The following TSNARE1 variants were observed in gnomAD, a reference collection of about 807,000 sequenced individuals.
TSNARE1 encodes t-SNARE domain-containing protein 1.
In TSNARE1, 49 loss-of-function variants were observed where a neutral mutation model predicts 62.0. That is an observed-to-expected ratio of 0.79 (90% CI 0.63 to 1.00). The LOEUF (loss-of-function observed/expected upper bound fraction) is 1.00. TSNARE1 is among the 50% of genes least tolerant of loss of function. The probability of loss-of-function intolerance (pLI) is 0.00; values close to 1 mark genes in which losing one functional copy is unlikely to be tolerated. For missense variants in TSNARE1, 755 were observed against 700.1 expected (o/e 1.08, Z -0.88); for synonymous variants, 328 against 294.4 (o/e 1.11, Z -1.17).
At chr8:142,273,304 C>T in intron 12 of TSNARE1, 1 of 985,444 alleles carries the variant, frequency 1.0e-6, no homozygotes, top group Non-Finnish European at 1.2e-6. Context: ...TGCTGGCTGG[C>T]TTTCCTCTTG....
At chr8:142,314,292 G>A (rs1828156182) in intron 9 of TSNARE1, 92 bp downstream of exon 9, 1 of 1,239,508 alleles carries the variant, frequency 8.1e-7, no homozygotes. Context: ...CCCTGCCCTT[G>A]GCCCTCCCCG....
At chr8:142,388,544 C>A (rs368503764) in intron 1 of TSNARE1, among the ~76,000 whole-genome samples, 74 of 117,274 alleles carry the variant, frequency 6.3e-4, no homozygotes, top group South Asian at 9.0e-4. Context: ...TAGCAAAAAA[C>A]AAAATCTTTT....
intron 10 of TSNARE1, among the ~76,000 whole-genome samples, chr8:142,295,357 G>C (rs1021370426): frequency 3.3e-5 from 5 of 152,240 alleles, no homozygotes; most frequent in Non-Finnish European, 7.3e-5. Flanking sequence ...CCCCCACTGG[G>C]AAGTGGGCAT....
rs189505807 is a variant in TSNARE1 at position 142,374,046 on chromosome 8, G to A, written c.-39-19283C>T. Reference sequence around the variant, plus strand: ...AGGCCAGGCGACATGGCTCATGCCTGTAATCTCAGCACTTTGAGAGGCTGA... The same window carrying A: ...AGGCCAGGCGACATGGCTCATGCCTATAATCTCAGCACTTTGAGAGGCTGA... On this transcript the variant is annotated intron_variant, in intron 1 of 13. Coordinates refer to ENST00000524325, the MANE Select transcript of TSNARE1 (RefSeq NM_145003.5). Among the ~76,000 whole-genome samples the A allele has an allele frequency of 2.0e-4, 31 of 152,368 alleles. No homozygotes were observed. In the South Asian group the frequency reaches 2.9e-3, roughly 14 times the overall value.
At chr8:142,358,584 A>G (rs1022745362) in intron 1 of TSNARE1, among the ~76,000 whole-genome samples, 3 of 152,126 alleles carry the variant, frequency 2.0e-5, no homozygotes, top group Non-Finnish European at 4.4e-5. Flanking sequence ...CTGCATATGG[A>G]AACATGAAAC....
chr8:142,269,306 A>G (rs146721289), intron 12 of TSNARE1, among the ~76,000 whole-genome samples: 10 of 152,322 alleles, frequency 6.6e-5, no homozygotes, highest in African/African-American at 2.4e-4. Context: ...GACATAGTGC[A>G]GGAGCAGGAT....
In TSNARE1 at chr8:142,274,182, G is replaced by A. The variant is rs1820039335; in HGVS notation, c.1446+599C>T. ...CCAGTGGGGAGCACCAGGCCACAATGGGGACAGAGCCAGTGAGGGGAAGAC... is the reference window on the plus strand; with the variant it reads ...CCAGTGGGGAGCACCAGGCCACAATAGGGACAGAGCCAGTGAGGGGAAGAC... On this transcript the variant is annotated intron_variant, in intron 12 of 13. Transcript: ENST00000524325. 3 of 985,424 alleles carry A rather than the reference G, an allele frequency of 3.0e-6. No homozygotes were observed. The South Asian group carries it at 1.4e-4, about 46-fold the overall frequency. 61.0% of individuals were successfully genotyped at this position (985,424 alleles called of 1,614,324 possible). A position where few individuals can be genotyped will look rare whatever the true frequency, so the allele number is the denominator to read the frequency against.
At chr8:142,304,900 G>A (rs566040643) in intron 9 of TSNARE1, among the ~76,000 whole-genome samples, 3 of 152,324 alleles carry the variant, frequency 2.0e-5, no homozygotes, top group East Asian at 3.9e-4. Flanking sequence ...TCCTGCCAGC[G>A]GTGACAGGCC....
chr8:142,318,817 C>G (rs1364059627), intron 6 of TSNARE1, among the ~76,000 whole-genome samples, 183 bp from the exon 7 acceptor site: 1 of 151,560 alleles, frequency 6.6e-6, no homozygotes. Context: ...GAGAGGAAAA[C>G]AAGAGTAGGG....
chr8:142,305,957 C>G (rs1400652510), intron 9 of TSNARE1, among the ~76,000 whole-genome samples: 5 of 152,202 alleles, frequency 3.3e-5, no homozygotes, highest in African/African-American at 1.2e-4. Context: ...AAGCAGGGAC[C>G]CGAGGCCGGC....
chr8:142,391,045 CTG>C (rs529712341), intron 1 of TSNARE1, among the ~76,000 whole-genome samples: 1,742 of 136,044 alleles, frequency 0.013, 36 homozygotes, highest in Non-Finnish European at 0.021. Flanking sequence ...GCGGGGGACT[CTG>C]TAACAGACGC....
At chr8:142,344,968 C>G (rs1012100400) in intron 3 of TSNARE1, among the ~76,000 whole-genome samples, 4 of 152,204 alleles carry the variant, frequency 2.6e-5, no homozygotes, top group South Asian at 2.1e-4. Flanking sequence ...CACACTTGGG[C>G]CAGGGCCGGT....
intron 13 of TSNARE1, among the ~76,000 whole-genome samples, chr8:142,227,921 A>C (rs1046299257): frequency 2.6e-5 from 4 of 152,220 alleles, no homozygotes; most frequent in African/African-American, 9.6e-5. Context: ...AGTGCTCAGT[A>C]AGACTCAAGT....
At chr8:142,359,618 C>T (rs1835010416) in intron 1 of TSNARE1, among the ~76,000 whole-genome samples, 1 of 152,200 alleles carries the variant, frequency 6.6e-6, no homozygotes, top group Admixed American at 6.5e-5. Flanking sequence ...CCAGGGAAAT[C>T]TCCAAAAGAG....
intron 1 of TSNARE1, among the ~76,000 whole-genome samples, chr8:142,371,309 A>G (rs1330012431): frequency 6.6e-6 from 1 of 152,140 alleles, no homozygotes; most frequent in African/African-American, 2.4e-5. Flanking sequence ...ATGAAGGGGG[A>G]AAAAAAACCC....
At chr8:142,223,591 T>G (rs759605317) in intron 13 of TSNARE1, among the ~76,000 whole-genome samples, 1,074 of 4,436 alleles carry the variant, frequency 0.24, 253 homozygotes, top group Middle Eastern at 0.56. Context: ...CACTCACTCA[T>G]TCACTCACTC....
chr8:142,259,727 C>A (rs1442680745), intron 12 of TSNARE1, among the ~76,000 whole-genome samples: 1 of 152,222 alleles, frequency 6.6e-6, no homozygotes, highest in East Asian at 1.9e-4. Context: ...GGCGCAGGCC[C>A]CTTCCCCTAC....
chr8:142,327,233 G>T (rs965433033), intron 6 of TSNARE1, among the ~76,000 whole-genome samples: 1 of 152,228 alleles, frequency 6.6e-6, no homozygotes, highest in African/African-American at 2.4e-5. Context: ...CTGGTGAATG[G>T]GTCTGTCCTT....
intron 4 of TSNARE1, among the ~76,000 whole-genome samples, chr8:142,339,499 G>A (rs1832237334): frequency 6.6e-6 from 1 of 152,172 alleles, no homozygotes; most frequent in African/African-American, 2.4e-5. Flanking sequence ...AGCTCAGAGT[G>A]GATAGAGCAA....
Sources: allele counts gnomAD v4.1 joint callset (sites outside exome capture counted in the v4.1 genomes callset), GRCh38; gene constraint gnomAD v4.1.1; transcripts MANE v1.5; gene names NCBI Gene and HGNC (gene_info 2026-07-23, HGNC 2026-07-21).